KLHL13: variants seen among roughly 807,000 people sequenced by gnomAD.
KLHL13 encodes kelch like family member 13, also known as kelch-like protein 13.
Under a neutral mutation model 37.1 loss-of-function variants are expected in KLHL13, and 10 were observed. That is an observed-to-expected ratio of 0.27 (90% CI 0.17 to 0.46). KLHL13 has a LOEUF of 0.46. KLHL13 is among the 20% of genes least tolerant of loss of function. The pLI is 1.00. For missense variants in KLHL13, 360 were observed against 509.3 expected (o/e 0.71, Z 2.82); for synonymous variants, 163 against 181.2 (o/e 0.90, Z 0.81).
intron 1 of KLHL13, among the ~76,000 whole-genome samples, chrX:118,008,577 C>A (rs753218807): frequency 1.8e-5 from 2 of 112,030 alleles, no homozygotes; most frequent in South Asian, 7.5e-4. Flanking sequence ...CATTCACTTC[C>A]TGCACTCTCT....
intron 1 of KLHL13, chrX:117,946,878 T>C (rs927744096): frequency 6.3e-5 from 7 of 111,863 alleles, no homozygotes; most frequent in African/African-American, 2.3e-4. Flanking sequence ...AACTAAGTGG[T>C]TTTAAATCTT....
intron 1 of KLHL13, among the ~76,000 whole-genome samples, chrX:117,953,955 C>G (rs144920693): frequency 0.033 from 3,707 of 111,495 alleles, 74 homozygotes; most frequent in Middle Eastern, 0.097. Context: ...TAGAAAATAA[C>G]TCAGATGAAA....
At chrX:117,985,242 A>G in intron 1 of KLHL13, 2 of 1,137,563 alleles carry the variant, frequency 1.8e-6, no homozygotes, top group Non-Finnish European at 2.3e-6. Context: ...TCTCTTACCA[A>G]TAAGCCCATT....
chrX:118,081,365 C>G (rs1375770358), intron 1 of KLHL13, among the ~76,000 whole-genome samples: 1 of 111,800 alleles, frequency 8.9e-6, no homozygotes, highest in Non-Finnish European at 1.9e-5. Context: ...ACTCACTCAT[C>G]ATGGGAGCAT....
At chrX:117,929,550 A>T in intron 2 of KLHL13, among the ~76,000 whole-genome samples, 1 of 111,113 alleles carries the variant, frequency 9.0e-6, no homozygotes, top group East Asian at 2.8e-4. Context: ...AAATCACCAT[A>T]CTAACAGACT....
chrX:117,981,030 T>C (rs2053655301), intron 1 of KLHL13, among the ~76,000 whole-genome samples: 2 of 112,222 alleles, frequency 1.8e-5, no homozygotes, highest in African/African-American at 3.2e-5. Flanking sequence ...TTCTTCTCTT[T>C]AGCGATTTTA....
chrX:118,002,745 G>C (rs888086615), intron 1 of KLHL13, among the ~76,000 whole-genome samples: 1 of 111,070 alleles, frequency 9.0e-6, no homozygotes, highest in Non-Finnish European at 1.9e-5. Flanking sequence ...CTAAAATAAC[G>C]TACAGGGGCC....
intron 1 of KLHL13, among the ~76,000 whole-genome samples, chrX:118,066,284 C>T (rs913898755): frequency 8.9e-6 from 1 of 111,837 alleles, no homozygotes; most frequent in Non-Finnish European, 1.9e-5. Context: ...AGATACTACA[C>T]ACTTTTAAGT....
chrX:118,063,013 A>G (rs2054757783), intron 1 of KLHL13, among the ~76,000 whole-genome samples: 1 of 112,021 alleles, frequency 8.9e-6, no homozygotes, highest in Non-Finnish European at 1.9e-5. Flanking sequence ...CCAAATAATT[A>G]ACTGAATATG....
upstream of KLHL13, among the ~76,000 whole-genome samples, chrX:117,975,763 T>C (rs2053591531): frequency 1.8e-5 from 2 of 112,217 alleles, no homozygotes; most frequent in Non-Finnish European, 3.8e-5. Flanking sequence ...TCCAGGAGTT[T>C]ATCTGTCTAT....
At chrX:118,081,070 T>G (rs2054987048) in intron 1 of KLHL13, among the ~76,000 whole-genome samples, 1 of 111,388 alleles carries the variant, frequency 9.0e-6, no homozygotes, top group South Asian at 3.8e-4. Flanking sequence ...TGAGCACATA[T>G]GGACATAAAT....
chrX:117,986,934 T>C (rs1051964194), intron 1 of KLHL13, among the ~76,000 whole-genome samples: 7 of 110,847 alleles, frequency 6.3e-5, no homozygotes, highest in African/African-American at 2.0e-4. Context: ...AGCCTCAGAG[T>C]AAGTAAGCAG....
rs191316334 is a variant in KLHL13 at position 118,070,878 on chromosome X, G to T, written c.-56+45630C>A. The stretch of plus-strand genomic sequence containing the variant: ...CCACTAGCTCGTCATCTAGCATTAG[G>T]TATATCCCCCAATGCTATCCCTCCC... On this transcript the variant is annotated intron_variant, in intron 1 of 6. Coordinates refer to the KLHL13 transcript ENST00000371882. 8.0e-3 allele frequency among the ~76,000 whole-genome samples: 877 copies of T among 109,361 alleles called. 9 individuals are homozygous for T. The highest frequency in any genetic ancestry group is 0.026 in the African/African-American group (773 of 29,913). 95.0% of individuals were successfully genotyped at this position (109,361 alleles called of 115,157 possible).
At chrX:118,110,498 C>T (rs2055399030) in intron 1 of KLHL13, among the ~76,000 whole-genome samples, 1 of 108,445 alleles carries the variant, frequency 9.2e-6, no homozygotes, top group Admixed American at 9.9e-5. Context: ...CCTGCCTCAG[C>T]CTCCCAAGTA....
At chrX:118,086,599 A>T (rs955319743) in intron 1 of KLHL13, among the ~76,000 whole-genome samples, 1 of 112,330 alleles carries the variant, frequency 8.9e-6, no homozygotes, top group Non-Finnish European at 1.9e-5. Flanking sequence ...TTTATAATAT[A>T]AAGTTTTGTT....
chrX:118,031,493 T>C (rs1369678076), intron 1 of KLHL13, among the ~76,000 whole-genome samples: 1 of 93,915 alleles, frequency 1.1e-5, no homozygotes, highest in East Asian at 3.1e-4. Flanking sequence ...ATATATATAT[T>C]TAGATATATA....
intron 1 of KLHL13, among the ~76,000 whole-genome samples, chrX:117,985,608 C>A (rs1281302101): frequency 9.1e-6 from 1 of 110,439 alleles, no homozygotes; most frequent in Non-Finnish European, 1.9e-5. Context: ...TGAACAGGAA[C>A]AAAGTGTTCA....
intron 1 of KLHL13, among the ~76,000 whole-genome samples, chrX:118,090,276 G>A (rs1264185429): frequency 9.0e-6 from 1 of 110,884 alleles, no homozygotes; most frequent in Non-Finnish European, 1.9e-5. Context: ...TGACAAATGG[G>A]ATCTAATTAA....
At chrX:117,912,989 C>T (rs1342737083) in intron 4 of KLHL13, among the ~76,000 whole-genome samples, 4 of 111,533 alleles carry the variant, frequency 3.6e-5, no homozygotes, top group Non-Finnish European at 7.6e-5. Flanking sequence ...AAATGAGACA[C>T]AGACAAGAAA....
Sources: allele counts gnomAD v4.1 joint callset (sites outside exome capture counted in the v4.1 genomes callset), GRCh38; gene constraint gnomAD v4.1.1; transcripts MANE v1.5; gene names NCBI Gene and HGNC (gene_info 2026-07-23, HGNC 2026-07-21).